The following PDHX variants were observed in gnomAD, a reference collection of about 807,000 sequenced individuals.
PDHX encodes pyruvate dehydrogenase protein X component, mitochondrial.
Under a neutral mutation model 55.3 loss-of-function variants are expected in PDHX, and 33 were observed. That is an observed-to-expected ratio of 0.60 (90% CI 0.45 to 0.80). PDHX has a LOEUF of 0.80. Ranked by LOEUF, PDHX falls within the 30% of genes least tolerant of loss-of-function variation. The pLI, the probability that PDHX is intolerant of heterozygous loss-of-function variation, is 0.00. For missense variants in PDHX, 622 were observed against 619.9 expected (o/e 1.00, Z -0.04); for synonymous variants, 226 against 219.4 (o/e 1.03, Z -0.27).
intron 2 of PDHX, among the ~76,000 whole-genome samples, chr11:34,943,275 A>C (rs1052623611): frequency 2.0e-5 from 3 of 152,230 alleles, no homozygotes; most frequent in Admixed American, 2.0e-4. Flanking sequence ...AATTAGACCT[A>C]CTATAGGAAT....
rs549996673 is a variant in PDHX at position 34,947,345 on chromosome 11, A to G, written c.242-161A>G. Among the ~76,000 whole-genome samples, 16 of 152,336 alleles carry G rather than the reference A, an allele frequency of 1.1e-4. No homozygotes were observed. The South Asian group carries it at 3.3e-3, about 32-fold the overall frequency. On this transcript the variant is annotated intron_variant, in intron 2 of 10. Coordinates refer to ENST00000227868, the MANE Select transcript of PDHX (RefSeq NM_003477.3). ...CAGCAAAGCATACACATACACACACACACACAAACACCCACACATAATGAG... is the reference window on the plus strand; with the variant it reads ...CAGCAAAGCATACACATACACACACGCACACAAACACCCACACATAATGAG...
At chr11:34,943,364 A>AGT (rs1171892101) in intron 2 of PDHX, among the ~76,000 whole-genome samples, 1 of 152,174 alleles carries the variant, frequency 6.6e-6, no homozygotes, top group Non-Finnish European at 1.5e-5. Flanking sequence ...TAGTTCTTAA[A>AGT]GTGTGGTTGG....
chr11:34,991,186 A>G (rs776540883), intron 9 of PDHX, among the ~76,000 whole-genome samples: 3 of 152,228 alleles, frequency 2.0e-5, no homozygotes, highest in Non-Finnish European at 4.4e-5. Context: ...CAAGAGTGAT[A>G]TGAATCAAGT....
chr11:34,957,697 TG>T, intron 4 of PDHX, 114 bp downstream of exon 4: 1 of 839,160 alleles, frequency 1.2e-6, no homozygotes, highest in Non-Finnish European at 2.0e-6. Context: ...AGGAAGTTGC[TG>T]TTCTCAGCAC....
intron 3 of PDHX, among the ~76,000 whole-genome samples, chr11:34,952,904 C>T (rs837014): frequency 7.0e-4 from 106 of 151,158 alleles, no homozygotes; most frequent in African/African-American, 2.3e-3. Context: ...TCAAATTGTC[C>T]CTGTTTGCAG....
chr11:34,927,765 C>T (rs1854058064), intron 1 of PDHX, among the ~76,000 whole-genome samples: 1 of 152,070 alleles, frequency 6.6e-6, no homozygotes, highest in South Asian at 2.1e-4. Context: ...ATATATTGCA[C>T]ATTTAACTCT....
At chr11:34,976,803 T>TG (rs1451084468) in intron 7 of PDHX, among the ~76,000 whole-genome samples, 3 of 152,114 alleles carry the variant, frequency 2.0e-5, no homozygotes, top group Non-Finnish European at 4.4e-5. Context: ...GTGGTAGGTT[T>TG]GGGGGTCATT....
intron 10 of PDHX, among the ~76,000 whole-genome samples, chr11:34,994,007 ATTG>A (rs1003655204): frequency 6.6e-6 from 1 of 152,154 alleles, no homozygotes; most frequent in African/African-American, 2.4e-5. Context: ...TATAAATGGT[ATTG>A]TTTTAAATTT....
chr11:34,920,704 G>A (rs187446648), intron 1 of PDHX, among the ~76,000 whole-genome samples: 3 of 152,186 alleles, frequency 2.0e-5, no homozygotes, highest in South Asian at 4.1e-4. Flanking sequence ...ATCTTAGCAA[G>A]GCTGAATGTC....
At position 34,970,174 on chromosome 11, in the gene PDHX, A is replaced by G. The variant is rs1281977738; in HGVS notation, c.852A>G (p.Arg284=). Residue 284 remains arginine (R), a synonymous_variant, in exon 7 of 11, where the codon CGA becomes CGG. Transcript: ENST00000227868. ...TFTEIPASNI[R]RVIAKRLTES... ...CTGAAATCCCCGCCAGCAATATTCGAAGAGTTATTGCCAAGAGATTAACTG... is the reference window on the plus strand; with the variant it reads ...CTGAAATCCCCGCCAGCAATATTCGGAGAGTTATTGCCAAGAGATTAACTG... The G allele has an allele frequency of 1.2e-6, 2 of 1,613,028 alleles. No individual in the cohort carries two copies.
chr11:34,924,095 A>G (rs1006982686), intron 1 of PDHX, among the ~76,000 whole-genome samples: 3 of 152,198 alleles, frequency 2.0e-5, no homozygotes, highest in Admixed American at 2.0e-4. Flanking sequence ...ACATCTTACA[A>G]TGTAATAGGA....
intron 2 of PDHX, among the ~76,000 whole-genome samples, chr11:34,939,471 G>A (rs1167111653): frequency 1.6e-3 from 1 of 628 alleles, no homozygotes; most frequent in Non-Finnish European, 0.011. Context: ...TACTAATGGT[G>A]TGTGTGTGTG....
At chr11:34,939,422 A>C (rs1428584533) in intron 2 of PDHX, among the ~76,000 whole-genome samples, 2 of 151,862 alleles carry the variant, frequency 1.3e-5, no homozygotes, top group East Asian at 3.9e-4. Flanking sequence ...AAAACCATTA[A>C]GTTTTTTCAA....
intron 3 of PDHX, among the ~76,000 whole-genome samples, chr11:34,950,893 TAATGGG>T: frequency 1.3e-5 from 2 of 150,350 alleles, no homozygotes; most frequent in Non-Finnish European, 3.0e-5. Context: ...ATATACCCAG[TAATGGG>T]ATGGCTGGGT....
At chr11:34,991,927 A>C (rs1314544714) in intron 9 of PDHX, among the ~76,000 whole-genome samples, 1 of 150,512 alleles carries the variant, frequency 6.6e-6, no homozygotes, top group African/African-American at 2.5e-5. Context: ...AAAAAAAAAA[A>C]ACTAAAAAAC....
chr11:34,942,217 G>A (rs909114617), intron 2 of PDHX, among the ~76,000 whole-genome samples: 3 of 152,144 alleles, frequency 2.0e-5, no homozygotes, highest in African/African-American at 4.8e-5. Flanking sequence ...TGGAATAAAT[G>A]TGTCCTGATT....
intron 8 of PDHX, among the ~76,000 whole-genome samples, chr11:34,983,868 C>G (rs979095075): frequency 1.3e-5 from 2 of 152,128 alleles, no homozygotes; most frequent in Non-Finnish European, 1.5e-5. Flanking sequence ...TTTATAGATT[C>G]AATGCCATCC....
chr11:34,964,156 A>G (rs1565162463), intron 5 of PDHX, among the ~76,000 whole-genome samples: 1 of 152,204 alleles, frequency 6.6e-6, no homozygotes, highest in Non-Finnish European at 1.5e-5. Context: ...TAATTTTTAT[A>G]GCTTTTAATG....
intron 8 of PDHX, 64 bp downstream of exon 8, chr11:34,978,246 A>G (rs1855423771): frequency 3.2e-6 from 3 of 927,510 alleles, no homozygotes; most frequent in African/African-American, 1.6e-5. Flanking sequence ...AATTTTTACA[A>G]TGACAAATAG....
Sources: allele counts gnomAD v4.1 joint callset (sites outside exome capture counted in the v4.1 genomes callset), GRCh38; gene constraint gnomAD v4.1.1; transcripts MANE v1.5; gene names NCBI Gene and HGNC (gene_info 2026-07-23, HGNC 2026-07-21).